Variants in EIF3B observed in about 807,000 individuals in gnomAD.
EIF3B encodes the protein eukaryotic translation initiation factor 3 subunit B, also known as eukaryotic translation initiation factor 3 subunit 9.
A neutral mutation model predicts 104.6 loss-of-function variants in EIF3B; 10 were observed. The observed-to-expected ratio is 0.10, with a 90% CI of 0.06 to 0.16. EIF3B has a LOEUF of 0.16. Ranked by LOEUF, EIF3B falls within the 10% of genes least tolerant of loss-of-function variation. The probability of loss-of-function intolerance (pLI) is 1.00; values close to 1 mark genes in which losing one functional copy is unlikely to be tolerated. For missense variants in EIF3B, 1,014 were observed against 1,087.9 expected (o/e 0.93, Z 0.96); for synonymous variants, 542 against 417.2 (o/e 1.30, Z -3.65).
upstream of EIF3B, chr7:2,354,775 T>G: frequency 5.4e-6 from 4 of 742,360 alleles, no homozygotes; most frequent in Non-Finnish European, 6.7e-6. Flanking sequence ...CCCCAGGGCG[T>G]GGGTGCGCCC....
At chr7:2,372,981 G>T in intron 12 of EIF3B, 186 bp downstream of exon 12, 2 of 495,492 alleles carry the variant, frequency 4.0e-6, no homozygotes, top group South Asian at 5.8e-5. Context: ...CTCCTTGCAG[G>T]GTGTCTCTCT....
chr7:2,362,926 G>A, intron 3 of EIF3B, 144 bp from the exon 4 acceptor site: 1 of 1,425,194 alleles, frequency 7.0e-7, no homozygotes, highest in Non-Finnish European at 9.7e-7. Context: ...CCACACTTCT[G>A]GCCTACAGCA....
In EIF3B at chr7:2,372,909, C is replaced by T. The variant is rs950341577; in HGVS notation, c.1810+114C>T. 9 of 1,232,704 alleles carry T rather than the reference C, an allele frequency of 7.3e-6. No homozygotes were observed. In the East Asian group the frequency reaches 1.8e-4, roughly 25 times the overall value. The allele number at this position is 1,232,704 out of a possible 1,614,324, so 76.4% of individuals were successfully genotyped here. Reference sequence around the variant, plus strand: ...AGGACCACTGCTGGGCAGGCCGGGACTCGCCTATGAATGGGGTGTGGCCTC... The same window carrying T: ...AGGACCACTGCTGGGCAGGCCGGGATTCGCCTATGAATGGGGTGTGGCCTC... On this transcript the variant is annotated intron_variant, in intron 12 of 18. Coordinates refer to ENST00000360876, the MANE Select transcript of EIF3B (RefSeq NM_001037283.2).
rs757058814 is a variant in EIF3B, at chr7:2,358,601, A to T, written c.500-2109A>T. ...GAGTGCAGTGGCATGATCTTGGCTCACTGCAACCTCCATCTCCTGGGTTCA... is the reference window on the plus strand; with the variant it reads ...GAGTGCAGTGGCATGATCTTGGCTCTCTGCAACCTCCATCTCCTGGGTTCA... On this transcript the variant is annotated intron_variant, in intron 1 of 18. Transcript: ENST00000360876. 9.9e-5 allele frequency among the ~76,000 whole-genome samples: 15 copies of T among 152,092 alleles called. No individual in the cohort carries two copies. In the South Asian group the frequency reaches 1.0e-3, roughly 11 times the overall value.
At chr7:2,367,800 A>ACGGT (rs1780106916) in intron 9 of EIF3B, among the ~76,000 whole-genome samples, 1 of 142,414 alleles carries the variant, frequency 7.0e-6, no homozygotes, top group African/African-American at 2.7e-5. Context: ...TGGAGAGAAA[A>ACGGT]CGGTGAGTTT....
chr7:2,360,683 A>T (rs371374876), intron 1 of EIF3B, 27 bp from the exon 2 acceptor site: 149 of 1,551,660 alleles, frequency 9.6e-5, no homozygotes, highest in Non-Finnish European at 2.7e-5. Context: ...GGTAAAAATG[A>T]TCATTTGAAA....
At chr7:2,373,660 A>C (rs772001245) in intron 12 of EIF3B, 1 of 152,206 alleles carries the variant, frequency 6.6e-6, no homozygotes, top group Non-Finnish European at 1.5e-5. Flanking sequence ...GGTTGATAGA[A>C]ACATATGGGC....
chr7:2,363,828 T>G, intron 5 of EIF3B, 68 bp downstream of exon 5: 1 of 1,533,434 alleles, frequency 6.5e-7, no homozygotes, highest in Non-Finnish European at 8.7e-7. Flanking sequence ...AGTGGAACTT[T>G]GTTTCTATCA....
At chr7:2,356,998 G>A (rs1779482615) in intron 1 of EIF3B, among the ~76,000 whole-genome samples, 1 of 152,002 alleles carries the variant, frequency 6.6e-6, no homozygotes, top group Non-Finnish European at 1.5e-5. Context: ...ATTCCCAGTG[G>A]GTCTATACTG....
chr7:2,378,653 A>G (rs377704751), intron 15 of EIF3B, 36 bp from the exon 16 acceptor site: 24 of 1,580,310 alleles, frequency 1.5e-5, no homozygotes, highest in Non-Finnish European at 2.1e-5. Flanking sequence ...TGTTGCTTTG[A>G]ATGTTAAATC....
At position 2,380,435 on chromosome 7, in the gene EIF3B, G is replaced by C. The variant is rs773827587; in HGVS notation, c.*246G>C. 1 of 515,778 alleles carries C rather than the reference G, an allele frequency of 1.9e-6. No homozygotes were observed. Among genetic ancestry groups the C allele is most frequent in the East Asian group, 5.5e-5 (1 of 18,314 alleles). The allele number at this position is 515,778 out of a possible 1,614,324, so 32.0% of individuals were successfully genotyped here. On this transcript the variant is annotated 3_prime_UTR_variant, in exon 19 of 19. Transcript: ENST00000360876. Reference sequence around the variant, plus strand: ...TTCAGCCCCTGGTGTCTGCAGTGGGGGATTTAAGGCACCCGCTTCCACTTC... The same window carrying C: ...TTCAGCCCCTGGTGTCTGCAGTGGGCGATTTAAGGCACCCGCTTCCACTTC...
At chr7:2,378,532 A>G (rs1289874154) in intron 15 of EIF3B, 157 bp from the exon 16 acceptor site, 1 of 595,476 alleles carries the variant, frequency 1.7e-6, no homozygotes, top group Admixed American at 2.8e-5. Flanking sequence ...TGTGTGAATG[A>G]CCCTGGGTGT....
chr7:2,362,115 A>C (rs1779763827), intron 2 of EIF3B, among the ~76,000 whole-genome samples: 1 of 152,080 alleles, frequency 6.6e-6, no homozygotes, highest in Non-Finnish European at 1.5e-5. Flanking sequence ...ATGTGCCACC[A>C]TGCCCGGCTA....
intron 3 of EIF3B, 51 bp downstream of exon 3, chr7:2,362,815 G>A (rs1172430179): frequency 1.2e-6 from 2 of 1,610,836 alleles, no homozygotes; most frequent in Admixed American, 3.3e-5. Context: ...GCAAGTGACT[G>A]GCTGTGTGCG....
chr7:2,369,932 A>G (rs1179231453), intron 10 of EIF3B, among the ~76,000 whole-genome samples: 3 of 151,606 alleles, frequency 2.0e-5, no homozygotes, highest in African/African-American at 7.3e-5. Context: ...GTCCACCACC[A>G]CGCTTGGCTA....
intron 18 of EIF3B, 64 bp downstream of exon 18, chr7:2,379,575 C>T (rs763448629): frequency 6.8e-4 from 704 of 1,042,170 alleles, no homozygotes; most frequent in Non-Finnish European, 9.0e-4. Flanking sequence ...CAGTTATCCC[C>T]GTCACTGAGG....
intron 9 of EIF3B, 160 bp downstream of exon 9, chr7:2,367,205 T>C (rs1170593531): frequency 1.5e-6 from 1 of 658,062 alleles, no homozygotes; most frequent in African/African-American, 1.9e-5. Flanking sequence ...TCAGGGTGCC[T>C]GCAGACTGTC....
chr7:2,359,849 C>T (rs915356307), intron 1 of EIF3B, among the ~76,000 whole-genome samples: 7 of 152,178 alleles, frequency 4.6e-5, no homozygotes, highest in African/African-American at 1.2e-4. Context: ...CTGCTTGATG[C>T]GACACCCACG....
rs75471483 is a variant in EIF3B, at chr7:2,368,903, C to G, written c.1404-569C>G. On this transcript the variant is annotated intron_variant, in intron 9 of 18. Transcript: ENST00000360876. ...ATTATGGCTTATAAAATGAAAAGAC[C>G]AGGACGTTGGTTCTCAAAAAATGCA... 6.5e-3 allele frequency among the ~76,000 whole-genome samples: 986 copies of G among 152,264 alleles called. 10 individuals carry two copies. The highest frequency in any genetic ancestry group is 0.012 in the Non-Finnish European group (828 of 68,030).
Sources: allele counts gnomAD v4.1 joint callset (sites outside exome capture counted in the v4.1 genomes callset), GRCh38; gene constraint gnomAD v4.1.1; transcripts MANE v1.5; gene names NCBI Gene and HGNC (gene_info 2026-07-23, HGNC 2026-07-21).